Variants in COBL observed in about 807,000 individuals in gnomAD.
The protein encoded by COBL is protein cordon-bleu.
Under a neutral mutation model 98.8 loss-of-function variants are expected in COBL, and 51 were observed. The ratio of observed to expected loss-of-function variants is 0.52; its 90% CI spans 0.41 to 0.65. The LOEUF (loss-of-function observed/expected upper bound fraction) is 0.65, where lower values mean the gene tolerates loss of function less well. Ranked by LOEUF, COBL falls within the 30% of genes least tolerant of loss-of-function variation. The pLI, the probability that COBL is intolerant of heterozygous loss-of-function variation, is 0.00. For synonymous variants in COBL, 634 were observed against 651.7 expected (o/e 0.97, Z 0.41); for missense variants, 1,617 against 1,617.5 (o/e 1.00, Z 0.01).
intron 1 of COBL, among the ~76,000 whole-genome samples, chr7:51,295,208 C>T (rs144643480): frequency 6.6e-6 from 1 of 151,532 alleles, no homozygotes; most frequent in Non-Finnish European, 1.5e-5. Flanking sequence ...ATCGCTTGAA[C>T]CGGGGAGGCA....
intron 5 of COBL, among the ~76,000 whole-genome samples, 182 bp downstream of exon 5, chr7:51,183,920 A>C (rs1194738555): frequency 6.6e-6 from 1 of 152,256 alleles, no homozygotes; most frequent in African/African-American, 2.4e-5. Flanking sequence ...CTCCTTTTGG[A>C]ATCAAGTGTG....
Position 51,219,944 on chromosome 7 carries a change from C to T in COBL, c.42G>A (p.Gly14=), listed in dbSNP as rs140728148. ...PRASAAKPPT[G]RKMKARAPPP... The stretch of plus-strand genomic sequence containing the variant: ...GGGGAGCACGAGCCTTCATCTTCCT[C>T]CTTAAAAACAACAACACAAAGGCAC... Residue 14 remains glycine (G), a splice_region_variant and synonymous_variant, in exon 2 of 13, where the codon GGG becomes GGA. Transcript: ENST00000265136. The T allele has an allele frequency of 4.3e-5, 70 of 1,609,254 alleles. No homozygotes were observed. In the African/African-American group the frequency reaches 9.0e-4, roughly 21 times the overall value.
At chr7:51,065,386 C>T (rs1259937333) in intron 7 of COBL, 1 of 703,554 alleles carries the variant, frequency 1.4e-6, no homozygotes, top group South Asian at 1.5e-5. Context: ...CTTTGCTGTG[C>T]CCGGGGCTGT....
intron 1 of COBL, among the ~76,000 whole-genome samples, chr7:51,284,239 TG>T (rs1352346000): frequency 6.6e-6 from 1 of 150,496 alleles, no homozygotes; most frequent in African/African-American, 2.4e-5. Flanking sequence ...AGGCAGAGCT[TG>T]CAGTGAGCAG....
intron 6 of COBL, among the ~76,000 whole-genome samples, chr7:51,099,010 C>T (rs183076513): frequency 6.1e-4 from 92 of 151,626 alleles, no homozygotes; most frequent in African/African-American, 2.2e-3. Flanking sequence ...TGAAAAGATG[C>T]TCAACATCAC....
intron 7 of COBL, chr7:51,071,090 A>C (rs1792502493): frequency 6.6e-6 from 1 of 152,158 alleles, no homozygotes. Context: ...TTCCCAAGGG[A>C]TTCTTCATGC....
rs192143855 is a variant in COBL, at chr7:51,295,914, G to A, written c.41+20679C>T. On this transcript the variant is annotated intron_variant, in intron 1 of 12. Transcript: ENST00000265136. ...CTACTATTTACATAAGCTAATCTTA[G>A]GGATAGTTACAGCTTGTCTGGCCTG... is the stretch of plus-strand genomic sequence containing the variant. 8.3e-4 allele frequency among the ~76,000 whole-genome samples: 126 copies of A among 152,298 alleles called. 1 individual carries two copies. The East Asian group carries it at 0.019, about 24-fold the overall frequency.
chr7:51,135,901 T>G (rs1297894624), intron 6 of COBL, among the ~76,000 whole-genome samples: 2 of 152,162 alleles, frequency 1.3e-5, no homozygotes, highest in Non-Finnish European at 2.9e-5. Flanking sequence ...TCTGACATAT[T>G]AGGGTATGTG....
rs546973205 is a variant in COBL at position 51,227,671 on chromosome 7, T to C, written c.42-7727A>G. On this transcript the variant is annotated intron_variant, in intron 1 of 12. Coordinates refer to ENST00000265136, the MANE Select transcript of COBL (RefSeq NM_015198.5). ...CTCAGACTCCTAAGCCTCTTCCTTG[T>C]ACATTATTTCTGCAAACCACCCTGA... Among the ~76,000 whole-genome samples the C allele has an allele frequency of 1.4e-4, 22 of 152,312 alleles. No homozygotes were observed. In the South Asian group the frequency reaches 4.4e-3, roughly 30 times the overall value.
At chr7:51,249,224 T>C (rs1039129177) in intron 1 of COBL, among the ~76,000 whole-genome samples, 2 of 152,118 alleles carry the variant, frequency 1.3e-5, no homozygotes, top group African/African-American at 4.8e-5. Context: ...CAGGGAACTA[T>C]CCATTAGGTG....
intron 1 of COBL, among the ~76,000 whole-genome samples, chr7:51,308,453 T>C (rs1802693789): frequency 7.5e-6 from 1 of 132,760 alleles, no homozygotes; most frequent in Admixed American, 7.4e-5. Context: ...CACAAACAGC[T>C]GGTTTTCCCA....
intron 1 of COBL, among the ~76,000 whole-genome samples, chr7:51,247,977 A>G (rs1399355646): frequency 6.6e-6 from 1 of 152,114 alleles, no homozygotes; most frequent in Non-Finnish European, 1.5e-5. Flanking sequence ...CGTCTCTACT[A>G]AACATACAAA....
At chr7:51,236,396 C>T (rs1045775682) in intron 1 of COBL, among the ~76,000 whole-genome samples, 2 of 152,180 alleles carry the variant, frequency 1.3e-5, no homozygotes, top group Admixed American at 1.3e-4. Context: ...GAGGACAGGA[C>T]AGGGCAGGGC....
chr7:51,131,751 G>A (rs970894503), intron 6 of COBL, among the ~76,000 whole-genome samples: 4 of 152,104 alleles, frequency 2.6e-5, no homozygotes, highest in African/African-American at 4.8e-5. Context: ...CCGCCACCAC[G>A]CCCAGCTAAT....
chr7:51,198,738 A>T (rs1790823691), intron 2 of COBL, among the ~76,000 whole-genome samples: 1 of 152,232 alleles, frequency 6.6e-6, no homozygotes, highest in African/African-American at 2.4e-5. Context: ...GGGCACTGGT[A>T]AACACACAGG....
At chr7:51,304,172 A>G (rs1424616817) in intron 1 of COBL, among the ~76,000 whole-genome samples, 1 of 152,156 alleles carries the variant, frequency 6.6e-6, no homozygotes, top group Non-Finnish European at 1.5e-5. Flanking sequence ...TGATGGAGGA[A>G]TCGTGGTCTC....
chr7:51,291,675 C>A (rs1800907538), intron 1 of COBL, among the ~76,000 whole-genome samples: 1 of 151,898 alleles, frequency 6.6e-6, no homozygotes, highest in Admixed American at 6.6e-5. Context: ...GAAGGGGAAT[C>A]ACTTGAACCC....
At chr7:51,273,471 A>C (rs527870395) in intron 1 of COBL, among the ~76,000 whole-genome samples, 2 of 152,318 alleles carry the variant, frequency 1.3e-5, no homozygotes, top group Admixed American at 1.3e-4. Context: ...AAAATTCCTC[A>C]TTTACCAAAA....
intron 1 of COBL, among the ~76,000 whole-genome samples, chr7:51,266,975 C>T (rs1798272994): frequency 6.6e-6 from 1 of 152,068 alleles, no homozygotes; most frequent in African/African-American, 2.4e-5. Context: ...AAATAAAAAG[C>T]ATATAACATT....
Sources: allele counts gnomAD v4.1 joint callset (sites outside exome capture counted in the v4.1 genomes callset), GRCh38; gene constraint gnomAD v4.1.1; transcripts MANE v1.5; gene names NCBI Gene and HGNC (gene_info 2026-07-23, HGNC 2026-07-21).